Variants in ZSWIM6 observed in about 807,000 individuals in gnomAD.
The protein encoded by ZSWIM6 is zinc finger SWIM domain-containing protein 6.
In ZSWIM6, 9 loss-of-function variants were observed where a neutral mutation model predicts 113.2. The ratio of observed to expected loss-of-function variants is 0.08; its 90% CI spans 0.05 to 0.14. The LOEUF (loss-of-function observed/expected upper bound fraction) is 0.14. Among genes scored for constraint, ZSWIM6 ranks in the 10% least tolerant of loss-of-function variants. The pLI is 1.00. For missense variants in ZSWIM6, 1,162 were observed against 1,552.2 expected (o/e 0.75, Z 4.22); for synonymous variants, 611 against 606.5 (o/e 1.01, Z -0.11).
At chr5:61,515,103 A>G (rs1748895798) in intron 4 of ZSWIM6, among the ~76,000 whole-genome samples, 1 of 152,068 alleles carries the variant, frequency 6.6e-6, no homozygotes, top group South Asian at 2.1e-4. Context: ...CTTTCAAGGA[A>G]TTTTTTCATT....
At chr5:61,517,965 A>G (rs1219919310) in intron 4 of ZSWIM6, among the ~76,000 whole-genome samples, 1 of 105,836 alleles carries the variant, frequency 9.4e-6, no homozygotes, top group Non-Finnish European at 1.8e-5. Flanking sequence ...CAGTCCCCAG[A>G]GTGTGATGTT....
intron 4 of ZSWIM6, 49 bp downstream of exon 4, chr5:61,494,459 A>G (rs565112285): frequency 1.3e-6 from 2 of 1,543,964 alleles, no homozygotes; most frequent in East Asian, 4.9e-5. Context: ...ATGGATAAAT[A>G]CCATAGTCAG....
At chr5:61,348,455 A>G (rs1256530222) in intron 1 of ZSWIM6, among the ~76,000 whole-genome samples, 3 of 152,138 alleles carry the variant, frequency 2.0e-5, no homozygotes, top group Non-Finnish European at 4.4e-5. Context: ...AACTTTTCAC[A>G]TCTAGATTTT....
intron 1 of ZSWIM6, among the ~76,000 whole-genome samples, chr5:61,416,330 C>G (rs1334649448): frequency 6.6e-6 from 1 of 152,212 alleles, no homozygotes; most frequent in African/African-American, 2.4e-5. Context: ...TCCCCCTCCT[C>G]CCGCAGAAAC....
chr5:61,509,962 A>G (rs975607172), intron 4 of ZSWIM6, among the ~76,000 whole-genome samples: 3 of 151,966 alleles, frequency 2.0e-5, no homozygotes, highest in African/African-American at 7.3e-5. Flanking sequence ...TTTCATCACA[A>G]TGGTTTGCAG....
At chr5:61,362,689 T>A (rs1017333090) in intron 1 of ZSWIM6, among the ~76,000 whole-genome samples, 1 of 152,288 alleles carries the variant, frequency 6.6e-6, no homozygotes, top group Middle Eastern at 3.4e-3. Context: ...GATGCCCTTT[T>A]CTTAGATTAT....
At chr5:61,537,487 C>G (rs1425322561) in intron 10 of ZSWIM6, among the ~76,000 whole-genome samples, 1 of 151,934 alleles carries the variant, frequency 6.6e-6, no homozygotes, top group Non-Finnish European at 1.5e-5. Flanking sequence ...CTCATCTTCC[C>G]AGGGATGTTG....
At chr5:61,505,807 G>A (rs981863751) in intron 4 of ZSWIM6, among the ~76,000 whole-genome samples, 1 of 150,524 alleles carries the variant, frequency 6.6e-6, no homozygotes, top group Non-Finnish European at 1.5e-5. Context: ...GGAGTGCAGT[G>A]GTGCTATCTG....
intron 1 of ZSWIM6, among the ~76,000 whole-genome samples, chr5:61,449,604 A>G (rs1448077744): frequency 6.6e-6 from 1 of 152,128 alleles, no homozygotes; most frequent in African/African-American, 2.4e-5. Flanking sequence ...TCTCTGGTAA[A>G]ATTATATCAG....
chr5:61,438,599 A>G (rs936447637), intron 1 of ZSWIM6, among the ~76,000 whole-genome samples: 2 of 152,236 alleles, frequency 1.3e-5, no homozygotes, highest in Non-Finnish European at 2.9e-5. Context: ...AGCACGTAAT[A>G]TCAGAGCAAA....
In ZSWIM6 at chr5:61,526,388, A is replaced by C. The variant is rs772566819; in HGVS notation, c.1829A>C (p.Gln610Pro). The change falls in exon 7 of 14, where the codon CAA (glutamine) becomes CCA (proline). Residue 610 changes from glutamine to proline, a missense_variant. Transcript: ENST00000252744. ...QQKQLEMFRTQKKELPHKNIT... is the reference protein window; with the variant it reads ...QQKQLEMFRTPKKELPHKNIT... ...AAACAGTTGGAAATGTTCCGAACCC[A>C]AAAAAAAGGTGAATGTGAAGGAGTT... is the stretch of plus-strand genomic sequence containing the variant. 77 of 1,537,106 alleles carry C rather than the reference A, an allele frequency of 5.0e-5. No individual in the cohort carries two copies. Among genetic ancestry groups the C allele is most frequent in the Non-Finnish European group, 6.0e-5 (68 of 1,139,180 alleles).
intron 1 of ZSWIM6, among the ~76,000 whole-genome samples, chr5:61,418,116 A>G (rs1373861329): frequency 1.3e-5 from 2 of 152,126 alleles, no homozygotes; most frequent in African/African-American, 4.8e-5. Flanking sequence ...AGCACCAAAT[A>G]TGGTGATTTG....
At chr5:61,348,150 G>C (rs1024892246) in intron 1 of ZSWIM6, among the ~76,000 whole-genome samples, 5 of 152,190 alleles carry the variant, frequency 3.3e-5, no homozygotes, top group Non-Finnish European at 7.3e-5. Flanking sequence ...CAACCCGGGA[G>C]GTGGAGCTTG....
At chr5:61,479,358 G>GTT in intron 2 of ZSWIM6, among the ~76,000 whole-genome samples, 2 of 152,130 alleles carry the variant, frequency 1.3e-5, no homozygotes, top group Admixed American at 1.3e-4. Flanking sequence ...AGCCCATGAG[G>GTT]AATTTGTTGG....
chr5:61,472,667 C>A lies in ZSWIM6; in HGVS notation c.677-14C>A. 6.7e-7 allele frequency: 1 copy of A among 1,483,684 alleles called. No homozygotes were observed. 91.9% of individuals were successfully genotyped at this position (1,483,684 alleles called of 1,614,324 possible). The stretch of plus-strand genomic sequence containing the variant: ...CAGAAGCTAAACCCTCCCTTTCTTT[C>A]TTTCACCCTCAAGGTTTCCACTTGA... On this transcript the variant is annotated splice_polypyrimidine_tract_variant and intron_variant, in intron 1 of 13. Coordinates refer to ENST00000252744, the MANE Select transcript of ZSWIM6 (RefSeq NM_020928.2). This position sits in a 1 kb window ranked among gnomAD's most constrained non-coding sequence, Gnocchi z 4.1.
chr5:61,526,492 ACC>A, intron 7 of ZSWIM6, 96 bp downstream of exon 7: 3 of 1,343,698 alleles, frequency 2.2e-6, no homozygotes, highest in Non-Finnish European at 3.0e-6. Flanking sequence ...TAGAACTAAA[ACC>A]ATAGATGATG....
chr5:61,369,152 A>T (rs553100463), intron 1 of ZSWIM6, among the ~76,000 whole-genome samples: 1 of 152,370 alleles, frequency 6.6e-6, no homozygotes, highest in East Asian at 1.9e-4. Context: ...GATATAGATT[A>T]TAAGCTTCTT....
intron 1 of ZSWIM6, among the ~76,000 whole-genome samples, chr5:61,417,412 G>T (rs998429602): frequency 6.6e-6 from 1 of 152,134 alleles, no homozygotes; most frequent in African/African-American, 2.4e-5. Context: ...ATAGATGCAG[G>T]TTCCCAAAGA....
In ZSWIM6 at chr5:61,543,365, A is replaced by C; in HGVS notation, c.2786-90A>C. On this transcript the variant is annotated intron_variant, in intron 13 of 13. Transcript: ENST00000252744. The surrounding 1 kb of genome is among the most constrained non-coding windows in gnomAD (Gnocchi z 4.3). ...TAGCTCATGTCCTATGATGGTTAAC[A>C]ATGTAAACACTGGTTGTAAAAGTCA... 7.0e-7 allele frequency: 1 copy of C among 1,420,608 alleles called. No individual in the cohort carries two copies. The allele number at this position is 1,420,608 out of a possible 1,614,324, so 88.0% of individuals were successfully genotyped here.
Sources: allele counts gnomAD v4.1 joint callset (sites outside exome capture counted in the v4.1 genomes callset), GRCh38; gene constraint gnomAD v4.1.1; non-coding constraint Gnocchi (gnomAD v3.1); transcripts MANE v1.5; gene names NCBI Gene and HGNC (gene_info 2026-07-23, HGNC 2026-07-21).